The following ABHD2 variants were observed in gnomAD, a reference collection of about 807,000 sequenced individuals.
The protein encoded by ABHD2 is monoacylglycerol lipase ABHD2.
A neutral mutation model predicts 48.1 loss-of-function variants in ABHD2; 20 were observed. That is an observed-to-expected ratio of 0.42 (90% confidence interval 0.29 to 0.60). ABHD2 has a LOEUF of 0.60. ABHD2 is among the 20% of genes least tolerant of loss of function. The pLI, the probability that ABHD2 is intolerant of heterozygous loss-of-function variation, is 0.24. For synonymous variants in ABHD2, 209 were observed against 214.2 expected (o/e 0.98, Z 0.21); for missense variants, 405 against 550.9 (o/e 0.74, Z 2.65).
intron 1 of ABHD2, among the ~76,000 whole-genome samples, chr15:89,099,825 C>T (rs1342830710): frequency 6.6e-6 from 1 of 151,978 alleles, no homozygotes; most frequent in African/African-American, 2.4e-5. Context: ...AATAGAATTG[C>T]TTGAACCCGG....
chr15:89,084,513 G>C (rs1364763177), upstream of ABHD2, among the ~76,000 whole-genome samples: 1 of 152,064 alleles, frequency 6.6e-6, no homozygotes, highest in East Asian at 1.9e-4. The surrounding 1 kb of genome is among the most constrained non-coding windows in gnomAD (Gnocchi z 4.4). Context: ...TGACCAGACT[G>C]GTCTCAAACT....
the ABHD2 span, among the ~76,000 whole-genome samples, chr15:89,045,804 A>G: frequency 1.3e-5 from 2 of 152,180 alleles, no homozygotes; most frequent in Admixed American, 6.5e-5. Flanking sequence ...GGGCTGAGAC[A>G]ATGGGGTTTT....
Position 89,188,162 on chromosome 15 carries a change from T to TAG in ABHD2, c.816-30_816-29insGA, listed in dbSNP as rs1314373239. ...CCATGGTTGTTCATCCTCCACATCTTAATCTCTGTTTGCTTTTGTGTTTGC... is the reference window on the plus strand; with the variant it reads ...CCATGGTTGTTCATCCTCCACATCTTAGAATCTCTGTTTGCTTTTGTGTTTGC... On this transcript the variant is annotated intron_variant, in intron 7 of 10. Transcript: ENST00000352732. This position sits in a 1 kb window ranked among gnomAD's most constrained non-coding sequence, Gnocchi z 4.1. The TAG allele has an allele frequency of 6.3e-7, 1 of 1,595,636 alleles. No individual in the cohort carries two copies. The highest frequency in any genetic ancestry group is 2.2e-5 in the East Asian group (1 of 44,782).
intron 3 of ABHD2, among the ~76,000 whole-genome samples, chr15:89,118,193 T>C (rs2150818575): frequency 6.6e-6 from 1 of 151,400 alleles, no homozygotes; most frequent in South Asian, 2.1e-4. Flanking sequence ...TTTTCTTTCT[T>C]TTTTTTTTGA....
chr15:89,103,887 C>A (rs1220369623), intron 1 of ABHD2: 1 of 152,180 alleles, frequency 6.6e-6, no homozygotes. Flanking sequence ...CTCACAATAT[C>A]CCTTTTTCAT....
At chr15:89,050,162 C>CT in the ABHD2 span, among the ~76,000 whole-genome samples, 1 of 152,258 alleles carries the variant, frequency 6.6e-6, no homozygotes, top group South Asian at 2.1e-4. Flanking sequence ...AGGGAGAGGT[C>CT]ATGGGTCCCA....
In ABHD2 at chr15:89,179,137, G is replaced by A. The variant is rs1267467810; in HGVS notation, c.722+3142G>A. Among the ~76,000 whole-genome samples the A allele has an allele frequency of 1.3e-5, 2 of 152,160 alleles. No homozygotes were observed. Among genetic ancestry groups the A allele is most frequent in the Admixed American group, 1.3e-4 (2 of 15,278 alleles). ...GCCAAGGAGGTCCTCAGTCAAGTGG[G>A]GGGTCCATGAGGAGGGATTTCTGAA... On this transcript the variant is annotated intron_variant, in intron 6 of 10. Transcript: ENST00000352732. This position sits in a 1 kb window ranked among gnomAD's most constrained non-coding sequence, Gnocchi z 4.3.
chr15:89,087,924 T>C (rs1901422329), upstream of ABHD2: 1 of 152,172 alleles, frequency 6.6e-6, no homozygotes, highest in Admixed American at 6.5e-5. This position sits in a 1 kb window ranked among gnomAD's most constrained non-coding sequence, Gnocchi z 5.5. Context: ...TCCCGGGATA[T>C]GACCTCAAAT....
chr15:89,077,577 G>A, the ABHD2 span, among the ~76,000 whole-genome samples: 1 of 151,982 alleles, frequency 6.6e-6, no homozygotes. Context: ...TTACCTCTCT[G>A]GCCTCAGTTT....
chr15:89,145,023 A>G (rs2050468288), intron 3 of ABHD2, among the ~76,000 whole-genome samples: 1 of 152,170 alleles, frequency 6.6e-6, no homozygotes, highest in Non-Finnish European at 1.5e-5. Context: ...TTGGGAGGCC[A>G]AGGCAGGCAG....
intron 3 of ABHD2, among the ~76,000 whole-genome samples, chr15:89,138,880 A>G (rs1341578744): frequency 6.9e-6 from 1 of 145,302 alleles, no homozygotes; most frequent in Admixed American, 6.9e-5. Context: ...TTTTTTCCTC[A>G]TTTTTAAAAC....
chr15:89,135,144 T>TTTTCTTTTC (rs1555429066), intron 3 of ABHD2, among the ~76,000 whole-genome samples: 2 of 86,662 alleles, frequency 2.3e-5, no homozygotes, highest in Admixed American at 2.4e-4. Flanking sequence ...CAACTTTTTC[T>TTTTCTTTTC]TTTTTTTTTT....
the ABHD2 span, among the ~76,000 whole-genome samples, chr15:89,059,161 T>C: frequency 6.6e-6 from 1 of 152,132 alleles, no homozygotes; most frequent in African/African-American, 2.4e-5. Flanking sequence ...TCTTCCATGT[T>C]TGGGGCTCTC....
Position 89,183,384 on chromosome 15 carries a change from A to ATAT in ABHD2, c.723-2040_723-2039insTAT, listed in dbSNP as rs1555433649. 6.7e-3 allele frequency: 306 copies of ATAT among 45,832 alleles called. 3 individuals carry two copies. The highest frequency in any genetic ancestry group is 0.017 in the Middle Eastern group (1 of 60). 2.8% of individuals were successfully genotyped at this position (45,832 alleles called of 1,614,324 possible). On this transcript the variant is annotated intron_variant, in intron 6 of 10. Transcript: ENST00000352732. ...AGTCCTTTTCAAAAAAAAAAAAAAA[A>ATAT]ATATATATATATATATATATATATA...
chr15:89,156,186 T>A (rs969992072), intron 5 of ABHD2, among the ~76,000 whole-genome samples: 1 of 139,486 alleles, frequency 7.2e-6, no homozygotes, highest in African/African-American at 2.7e-5. Flanking sequence ...AGTGGCACGA[T>A]CCTGGCTCAC....
chr15:89,156,129 T>C (rs1380582553), intron 5 of ABHD2, among the ~76,000 whole-genome samples: 5 of 143,328 alleles, frequency 3.5e-5, no homozygotes, highest in African/African-American at 1.3e-4. Context: ...TTTTTTTTTT[T>C]TTTTTTTTTG....
rs374206617 is a variant in ABHD2 at position 89,191,093 on chromosome 15, T to G, written c.940T>G (p.Tyr314Asp). Reference sequence around the variant, plus strand: ...GGTGTGTTGCAGGAAGTTTCACGGCTATAACTCCCTGAAGGAATACTATGA... The same window carrying G: ...GGTGTGTTGCAGGAAGTTTCACGGCGATAACTCCCTGAAGGAATACTATGA... Reference protein sequence around the residue: ...DDNVMRKFHGYNSLKEYYEEE... With the variant: ...DDNVMRKFHGDNSLKEYYEEE... Residue 314 changes from tyrosine to aspartate, a missense_variant, in exon 9 of 11, where the codon TAT (tyrosine) becomes GAT (aspartate). By Grantham distance (160) the Tyr-to-Asp change is radical (BLOSUM62 -3). Coordinates refer to ENST00000352732, the MANE Select transcript of ABHD2 (RefSeq NM_152924.5). 6.2e-7 allele frequency: 1 copy of G among 1,613,988 alleles called. No homozygotes were observed. The highest frequency in any genetic ancestry group is 1.7e-5 in the Admixed American group (1 of 60,020).
At chr15:89,061,984 T>C in the ABHD2 span, among the ~76,000 whole-genome samples, 1 of 152,154 alleles carries the variant, frequency 6.6e-6, no homozygotes, top group Non-Finnish European at 1.5e-5. Flanking sequence ...AGGCTGAAGC[T>C]ACACCAGTCA....
intron 6 of ABHD2, among the ~76,000 whole-genome samples, chr15:89,178,514 C>T (rs1377897326): frequency 6.6e-6 from 1 of 152,158 alleles, no homozygotes; most frequent in Non-Finnish European, 1.5e-5. Context: ...AGACCCGCTT[C>T]CTCAGTGAAC....
Sources: allele counts gnomAD v4.1 joint callset (sites outside exome capture counted in the v4.1 genomes callset), GRCh38; gene constraint gnomAD v4.1.1; non-coding constraint Gnocchi (gnomAD v3.1); transcripts MANE v1.5; gene names NCBI Gene and HGNC (gene_info 2026-07-23, HGNC 2026-07-21).